C3orf20: variants seen among roughly 807,000 people sequenced by gnomAD.
C3orf20 encodes the protein uncharacterized protein C3orf20.
C3orf20 carries 76 observed loss-of-function variants against 88.3 expected under a neutral mutation model. The ratio of observed to expected loss-of-function variants is 0.86; its 90% CI spans 0.72 to 1.04. The LOEUF is 1.04. Ranked by LOEUF, C3orf20 falls within the 50% of genes least tolerant of loss-of-function variation. The probability of loss-of-function intolerance (pLI) is 0.00; values close to 1 mark genes in which losing one functional copy is unlikely to be tolerated. For missense variants in C3orf20, 1,056 were observed against 1,123.3 expected (o/e 0.94, Z 0.86); for synonymous variants, 436 against 437.4 (o/e 1.00, Z 0.04).
At chr3:14,735,809 G>C (rs925913374) in intron 12 of C3orf20, among the ~76,000 whole-genome samples, 2 of 152,022 alleles carry the variant, frequency 1.3e-5, no homozygotes, top group South Asian at 4.2e-4. Flanking sequence ...TGGCCAGGCT[G>C]GTCTTGAACT....
rs534812295 is a variant in C3orf20 at position 14,768,300 on chromosome 3, G to A, written c.2496-3767G>A. ...GATGGAGCTGTGGAGAGCAGGCCCC[G>A]TGCTCAGCAAGGAGCCAGCCACCGC... On this transcript the variant is annotated intron_variant, in intron 15 of 16. Transcript: ENST00000253697. The surrounding 1 kb of genome is among the most constrained non-coding windows in gnomAD (Gnocchi z 4.1). Among the ~76,000 whole-genome samples, 110 of 152,024 alleles carry A rather than the reference G, an allele frequency of 7.2e-4. 4 individuals are homozygous for A. Among genetic ancestry groups the A allele is most frequent in the African/African-American group, 2.3e-3 (94 of 41,390 alleles).
intron 14 of C3orf20, 114 bp from the exon 15 acceptor site, chr3:14,761,359 C>T: frequency 7.8e-7 from 1 of 1,275,598 alleles, no homozygotes; most frequent in Non-Finnish European, 1.1e-6. Context: ...ACGGCGTAAG[C>T]TCTGAGAGGC....
chr3:14,684,450 G>A, intron 4 of C3orf20, 68 bp downstream of exon 4: 2 of 1,560,394 alleles, frequency 1.3e-6, no homozygotes, highest in East Asian at 4.6e-5. Context: ...CAATGGAAAG[G>A]CAAAACCCCC....
chr3:14,703,118 C>T lies in C3orf20; in HGVS notation c.746-12C>T. ...TTGGGCATCTCTCTAACTTCTTGCCCTCCAACTACAGGCAAATCTAGAACT... is the reference window on the plus strand; with the variant it reads ...TTGGGCATCTCTCTAACTTCTTGCCTTCCAACTACAGGCAAATCTAGAACT... On this transcript the variant is annotated splice_polypyrimidine_tract_variant and intron_variant, in intron 5 of 16. Coordinates refer to ENST00000253697, the MANE Select transcript of C3orf20 (RefSeq NM_032137.5). The T allele has an allele frequency of 6.2e-7, 1 of 1,614,054 alleles. No homozygotes were observed. Among genetic ancestry groups the T allele is most frequent in the South Asian group, 1.1e-5 (1 of 91,084 alleles).
chr3:14,757,818 T>C (rs942258726), intron 13 of C3orf20, 144 bp downstream of exon 13: 29 of 717,706 alleles, frequency 4.0e-5, no homozygotes, highest in Non-Finnish European at 6.3e-5. Context: ...TTGGAGTCTT[T>C]GTGTGTACTC....
At chr3:14,679,217 AT>A in intron 1 of C3orf20, among the ~76,000 whole-genome samples, 1 of 152,228 alleles carries the variant, frequency 6.6e-6, no homozygotes, top group South Asian at 2.1e-4. Flanking sequence ...TGTGACCCTT[AT>A]CACATAAGTC....
At chr3:14,749,535 T>A (rs979683187) in intron 12 of C3orf20, among the ~76,000 whole-genome samples, 2 of 152,032 alleles carry the variant, frequency 1.3e-5, no homozygotes, top group African/African-American at 4.8e-5. Context: ...TGGATTACAG[T>A]TGGATTTGCA....
At position 14,697,279 on chromosome 3, in the gene C3orf20, T is replaced by C. The variant is rs764182097; in HGVS notation, c.746-5851T>C. Among the ~76,000 whole-genome samples, 110 of 152,184 alleles carry C rather than the reference T, an allele frequency of 7.2e-4. 1 individual carries two copies. The highest frequency in any genetic ancestry group is 2.2e-4 in the Non-Finnish European group (15 of 68,030). On this transcript the variant is annotated intron_variant, in intron 5 of 16. Coordinates refer to ENST00000253697, the MANE Select transcript of C3orf20 (RefSeq NM_032137.5). ...AATAAACTTTCTACCCCTATCTCTTTCTCTAGCTCATCTTTAAGGCCAGTA... is the reference window on the plus strand; with the variant it reads ...AATAAACTTTCTACCCCTATCTCTTCCTCTAGCTCATCTTTAAGGCCAGTA...
intron 5 of C3orf20, among the ~76,000 whole-genome samples, chr3:14,700,627 T>C (rs916889993): frequency 1.3e-5 from 2 of 152,224 alleles, no homozygotes; most frequent in Non-Finnish European, 2.9e-5. Context: ...CCATTGACAC[T>C]GGGAAGTATA....
intron 12 of C3orf20, among the ~76,000 whole-genome samples, chr3:14,737,788 T>C (rs2034766095): frequency 6.6e-6 from 1 of 152,248 alleles, no homozygotes. Context: ...TTTTTCAAAA[T>C]TGGAGTCAGT....
chr3:14,746,556 T>A (rs1156737598), intron 12 of C3orf20, among the ~76,000 whole-genome samples: 1 of 152,232 alleles, frequency 6.6e-6, no homozygotes, highest in East Asian at 1.9e-4. Flanking sequence ...AAGATCTTTT[T>A]CTGAAAGCAT....
At chr3:14,750,334 G>T (rs2125021082) in intron 12 of C3orf20, among the ~76,000 whole-genome samples, 1 of 152,262 alleles carries the variant, frequency 6.6e-6, no homozygotes, top group South Asian at 2.1e-4. Flanking sequence ...CAGATCTCTT[G>T]AGTCCAGGAG....
In C3orf20 at chr3:14,682,898, C is replaced by T. The variant is rs1387101045; in HGVS notation, c.185C>T (p.Thr62Ile). Residue 62 changes from threonine (T) to isoleucine (I), a missense_variant, in exon 3 of 17, where the codon ACC (threonine) becomes ATC (isoleucine). Thr to Ile is a moderately conservative substitution (Grantham distance 89, BLOSUM62 -1). Transcript: ENST00000253697. The stretch of plus-strand genomic sequence containing the variant: ...CTCATCAGTGACCCTTCAGTGCCTA[C>T]CCCGTCCGACATCTTGGGCCTGGAG... ...EELISDPSVP[T>I]PSDILGLEVS... 7 of 1,614,206 alleles carry T rather than the reference C, an allele frequency of 4.3e-6. No individual in the cohort carries two copies. In the African/African-American group the frequency reaches 6.7e-5, roughly 15 times the overall value.
In C3orf20 at chr3:14,715,413, G is replaced by A; in HGVS notation, c.1434+4G>A. The A allele has an allele frequency of 1.9e-6, 3 of 1,610,292 alleles. No individual in the cohort carries two copies. Among genetic ancestry groups the A allele is most frequent in the Non-Finnish European group, 2.5e-6 (3 of 1,178,750 alleles). On this transcript the variant is annotated splice_donor_region_variant and intron_variant, in intron 9 of 16. Transcript: ENST00000253697. Reference sequence around the variant, plus strand: ...CCTGCTTTCCCTGGAATACAAGGTAGGGATGGGCAGCACAGGTTGGGTGGC... The same window carrying A: ...CCTGCTTTCCCTGGAATACAAGGTAAGGATGGGCAGCACAGGTTGGGTGGC...
rs990715546 is a variant in C3orf20, at chr3:14,704,757, G to A, written c.1160+139G>A. On this transcript the variant is annotated intron_variant, in intron 7 of 16. Transcript: ENST00000253697. ...GTGATGGGTCTCCTGGGTATTAAGA[G>A]CTTGTCTAGATCAGACTCAGGAGGT... 1.4e-5 allele frequency: 15 copies of A among 1,041,920 alleles called. No individual in the cohort carries two copies. The African/African-American group carries it at 1.7e-4, about 12-fold the overall frequency. The allele number at this position is 1,041,920 out of a possible 1,614,324, so 64.5% of individuals were successfully genotyped here. A position where few individuals can be genotyped will look rare whatever the true frequency, so the allele number is the denominator to read the frequency against.
At chr3:14,718,586 A>G (rs1474331267) in intron 9 of C3orf20, among the ~76,000 whole-genome samples, 1 of 152,090 alleles carries the variant, frequency 6.6e-6, no homozygotes, top group East Asian at 1.9e-4. Flanking sequence ...CTCACACTTC[A>G]CTGGTTCTTC....
At chr3:14,740,197 C>T (rs1262992190) in intron 12 of C3orf20, among the ~76,000 whole-genome samples, 3 of 152,134 alleles carry the variant, frequency 2.0e-5, no homozygotes, top group Non-Finnish European at 2.9e-5. Flanking sequence ...AAGTGAGGTG[C>T]GTGCAACTCT....
At chr3:14,762,441 T>G (rs566495751) in intron 15 of C3orf20, among the ~76,000 whole-genome samples, 2 of 152,310 alleles carry the variant, frequency 1.3e-5, no homozygotes, top group Non-Finnish European at 1.5e-5. Context: ...GCCTGAAGAC[T>G]GCTTTAGGGG....
At chr3:14,726,218 G>T (rs532418817) in intron 10 of C3orf20, among the ~76,000 whole-genome samples, 6 of 152,382 alleles carry the variant, frequency 3.9e-5, no homozygotes, top group African/African-American at 1.2e-4. Context: ...CAGCGATCCC[G>T]TGGGGAGCCC....
Sources: allele counts gnomAD v4.1 joint callset (sites outside exome capture counted in the v4.1 genomes callset), GRCh38; gene constraint gnomAD v4.1.1; non-coding constraint Gnocchi (gnomAD v3.1); transcripts MANE v1.5; gene names NCBI Gene and HGNC (gene_info 2026-07-23, HGNC 2026-07-21).